The following KCNK12 variants were observed in gnomAD, a reference collection of about 807,000 sequenced individuals.
The protein encoded by KCNK12 is potassium two pore domain channel subfamily K member 12.
KCNK12 carries 6 observed loss-of-function variants against 25.3 expected under a neutral mutation model. That is an observed-to-expected ratio of 0.24 (90% CI 0.13 to 0.47). KCNK12 has a LOEUF of 0.47. Ranked by LOEUF, KCNK12 falls within the 20% of genes least tolerant of loss-of-function variation. KCNK12 has a pLI of 0.99. For missense variants in KCNK12, 444 were observed against 661.7 expected (o/e 0.67, Z 3.61); for synonymous variants, 331 against 311.1 (o/e 1.06, Z -0.67).
intron 1 of KCNK12, among the ~76,000 whole-genome samples, chr2:47,552,058 G>C (rs1464979497): frequency 6.6e-6 from 1 of 152,208 alleles, no homozygotes; most frequent in African/African-American, 2.4e-5. Context: ...GAATTTATCA[G>C]CGTGCTGGCT....
intron 1 of KCNK12, 117 bp from the exon 2 acceptor site, chr2:47,521,925 T>G: frequency 3.0e-5 from 24 of 790,612 alleles, no homozygotes; most frequent in East Asian, 3.0e-5. Flanking sequence ...CTATCTCGAG[T>G]GGCACCACTC....
At chr2:47,559,428 C>T (rs182549050) in intron 1 of KCNK12, among the ~76,000 whole-genome samples, 9 of 152,286 alleles carry the variant, frequency 5.9e-5, no homozygotes, top group African/African-American at 2.2e-4. Context: ...TTCCAGCAGT[C>T]CAGGGTTTTC....
At position 47,556,207 on chromosome 2, in the gene KCNK12, A is replaced by G. The variant is rs1669547649; in HGVS notation, c.391+13734T>C. On this transcript the variant is annotated intron_variant, in intron 1 of 1. Transcript: ENST00000327876. This position sits in a 1 kb window ranked among gnomAD's most constrained non-coding sequence, Gnocchi z 4.8. ...CATACCGATGGAGTATAAATTAACA[A>G]TGCATGGGGAGTGGGTAATGACAGG... Among the ~76,000 whole-genome samples, 1 of 152,202 alleles carries G rather than the reference A, an allele frequency of 6.6e-6. No homozygotes were observed. The highest frequency in any genetic ancestry group is 1.5e-5 in the Non-Finnish European group (1 of 68,052).
At chr2:47,552,744 G>A (rs1287276649) in intron 1 of KCNK12, among the ~76,000 whole-genome samples, 1 of 151,866 alleles carries the variant, frequency 6.6e-6, no homozygotes. Flanking sequence ...CTCCAGCCTG[G>A]ATGACAGAGT....
At chr2:47,532,294 C>T (rs1405365594) in intron 1 of KCNK12, among the ~76,000 whole-genome samples, 1 of 150,508 alleles carries the variant, frequency 6.6e-6, no homozygotes, top group Admixed American at 6.6e-5. Flanking sequence ...GAGTCTGCTC[C>T]CACTTTGTGG....
chr2:47,548,234 T>A lies in KCNK12; in HGVS notation c.391+21707A>T, dbSNP rs147337255. The stretch of plus-strand genomic sequence containing the variant: ...GTATCTTCTTCAGTGATGATAACAT[T>A]GCTTTAGCCAGGGTTAAGAACCAGT... On this transcript the variant is annotated intron_variant, in intron 1 of 1. Coordinates refer to ENST00000327876, the MANE Select transcript of KCNK12 (RefSeq NM_022055.2). This position sits in a 1 kb window ranked among gnomAD's most constrained non-coding sequence, Gnocchi z 4.4. Among the ~76,000 whole-genome samples the A allele has an allele frequency of 2.0e-3, 308 of 152,342 alleles. No homozygotes were observed. The highest frequency in any genetic ancestry group is 3.0e-3 in the Non-Finnish European group (201 of 68,024).
intron 1 of KCNK12, among the ~76,000 whole-genome samples, chr2:47,543,175 G>A (rs1333463566): frequency 6.6e-6 from 1 of 151,960 alleles, no homozygotes; most frequent in East Asian, 1.9e-4. Flanking sequence ...AGCTACCAGG[G>A]CATTAGACTG....
chr2:47,542,901 T>G (rs1001665146), intron 1 of KCNK12, among the ~76,000 whole-genome samples: 1 of 152,228 alleles, frequency 6.6e-6, no homozygotes, highest in African/African-American at 2.4e-5. Context: ...CACATTGGCT[T>G]GAGAATGAGT....
chr2:47,567,603 G>A (rs1669809286), intron 1 of KCNK12, among the ~76,000 whole-genome samples: 1 of 152,222 alleles, frequency 6.6e-6, no homozygotes, highest in Non-Finnish European at 1.5e-5. Context: ...TATCCCAGCA[G>A]GGGCAATAAT....
intron 1 of KCNK12, among the ~76,000 whole-genome samples, chr2:47,539,125 G>C (rs1013265204): frequency 1.3e-5 from 2 of 152,148 alleles, no homozygotes; most frequent in Non-Finnish European, 2.9e-5. Flanking sequence ...ACCCAGTAAA[G>C]ACAATATCAT....
chr2:47,549,718 G>A lies in KCNK12; in HGVS notation c.391+20223C>T, dbSNP rs1000485213. 9.2e-5 allele frequency among the ~76,000 whole-genome samples: 14 copies of A among 152,218 alleles called. No homozygotes were observed. In the South Asian group the frequency reaches 1.5e-3, roughly 16 times the overall value. ...TGGGAGGCCAAGATGGGCGGATCAC[G>A]AGGTCAGGAGTTCGAGACCAGCCTG... On this transcript the variant is annotated intron_variant, in intron 1 of 1. Transcript: ENST00000327876.
At chr2:47,558,119 T>C (rs1669587375) in intron 1 of KCNK12, among the ~76,000 whole-genome samples, 3 of 152,344 alleles carry the variant, frequency 2.0e-5, no homozygotes, top group Non-Finnish European at 4.4e-5. Context: ...TTACATTGAT[T>C]CTGAAAATAT....
At chr2:47,534,521 C>CCG (rs1669013636) in intron 1 of KCNK12, among the ~76,000 whole-genome samples, 1 of 124,086 alleles carries the variant, frequency 8.1e-6, no homozygotes. Flanking sequence ...TCTAACCCCC[C>CCG]CCCCCGCCCC....
rs1016828367 is a variant in KCNK12, at chr2:47,516,086, G to T, written c.*4821C>A. 5.9e-5 allele frequency among the ~76,000 whole-genome samples: 9 copies of T among 152,178 alleles called. No homozygotes were observed. The highest frequency in any genetic ancestry group is 1.9e-4 in the African/African-American group (8 of 41,430). The stretch of plus-strand genomic sequence containing the variant: ...AGATGAGGAAACAGGATCAGAGTGA[G>T]CTAAATGACTGCCAGATCCAAAACT... On this transcript the variant is annotated 3_prime_UTR_variant, in exon 2 of 2. Coordinates refer to ENST00000327876, the MANE Select transcript of KCNK12 (RefSeq NM_022055.2).
chr2:47,538,841 T>C lies in KCNK12; in HGVS notation c.392-17033A>G, dbSNP rs1669133056. 6.6e-6 allele frequency among the ~76,000 whole-genome samples: 1 copy of C among 152,130 alleles called. No individual in the cohort carries two copies. The highest frequency in any genetic ancestry group is 6.5e-5 in the Admixed American group (1 of 15,272). On this transcript the variant is annotated intron_variant, in intron 1 of 1. Transcript: ENST00000327876. The surrounding 1 kb of genome is among the most constrained non-coding windows in gnomAD (Gnocchi z 4.5). ...TTAGGTGATATAAATGTCCCTGAAA[T>C]GAGAAAAACCATGACTTTCATTTGA... is the stretch of plus-strand genomic sequence containing the variant.
At chr2:47,534,967 A>C in intron 1 of KCNK12, 2 of 224,820 alleles carry the variant, frequency 8.9e-6, no homozygotes, top group East Asian at 6.4e-5. Context: ...ATTCAGTTTT[A>C]TACACCTGGA....
rs926204418 is a variant in KCNK12 at position 47,555,373 on chromosome 2, G to A, written c.391+14568C>T. 3.9e-5 allele frequency among the ~76,000 whole-genome samples: 6 copies of A among 152,168 alleles called. No individual in the cohort carries two copies. The highest frequency in any genetic ancestry group is 1.4e-4 in the African/African-American group (6 of 41,434). On this transcript the variant is annotated intron_variant, in intron 1 of 1. Coordinates refer to ENST00000327876, the MANE Select transcript of KCNK12 (RefSeq NM_022055.2). The surrounding 1 kb of genome is among the most constrained non-coding windows in gnomAD (Gnocchi z 4.5). ...GACATAAATTTCCCTTTGCCAAGGT[G>A]TCCTCCTTACCCTCTCTGTACTCTT...
intron 1 of KCNK12, chr2:47,563,607 C>T (rs531307960): frequency 4.3e-6 from 1 of 233,086 alleles, no homozygotes; most frequent in Non-Finnish European, 8.5e-6. Flanking sequence ...CTCTAGGGCT[C>T]TTCAGAGAAG....
chr2:47,562,693 T>G lies in KCNK12; in HGVS notation c.391+7248A>C, dbSNP rs926683996. ...TAGGGTGAGAGCCAAGGGGCTTCAG[T>G]ACCCTTCTTCATTCTCTACCAGCAC... On this transcript the variant is annotated intron_variant, in intron 1 of 1. Coordinates refer to ENST00000327876, the MANE Select transcript of KCNK12 (RefSeq NM_022055.2). The surrounding 1 kb of genome is among the most constrained non-coding windows in gnomAD (Gnocchi z 4.8). 1.7e-5 allele frequency: 4 copies of G among 233,066 alleles called. No individual in the cohort carries two copies. The highest frequency in any genetic ancestry group is 3.4e-5 in the Non-Finnish European group (4 of 118,020). 14.4% of individuals were successfully genotyped at this position (233,066 alleles called of 1,614,324 possible). A position where few individuals can be genotyped will look rare whatever the true frequency, so the allele number is the denominator to read the frequency against.
Sources: gnomAD v4.1 joint callset for allele counts (sites outside exome capture counted in the v4.1 genomes callset) on GRCh38, gnomAD v4.1.1 for gene constraint, Gnocchi (gnomAD v3.1) non-coding constraint, MANE v1.5 for transcripts, NCBI Gene and HGNC (gene_info 2026-07-23, HGNC 2026-07-21) for gene names.